GRM7: variants seen among roughly 807,000 people sequenced by gnomAD.
GRM7 encodes metabotropic glutamate receptor 7.
In GRM7, 35 loss-of-function variants were observed where a neutral mutation model predicts 84.5. The observed-to-expected ratio is 0.41, with a 90% CI of 0.32 to 0.55. The LOEUF is 0.55. Ranked by LOEUF, GRM7 falls within the 20% of genes least tolerant of loss-of-function variation. The pLI, the probability that GRM7 is intolerant of heterozygous loss-of-function variation, is 0.19. For missense variants in GRM7, 1,003 were observed against 1,194.6 expected, an observed-to-expected ratio of 0.84 and a Z score of 2.36; for synonymous variants, 487 against 455.1, an observed-to-expected ratio of 1.07 and a Z score of -0.89.
chr3:7,686,094 T>C (rs778824366), intron 9 of GRM7, among the ~76,000 whole-genome samples: 6 of 152,094 alleles, frequency 3.9e-5, no homozygotes, highest in Non-Finnish European at 8.8e-5. Flanking sequence ...TAAATTATGT[T>C]TGGGCTGGTT....
At chr3:7,716,164 G>A (rs75553980) in intron 9 of GRM7, among the ~76,000 whole-genome samples, 7 of 152,210 alleles carry the variant, frequency 4.6e-5, no homozygotes, top group African/African-American at 1.7e-4. Context: ...CTGTGGGGGG[G>A]TGTTTTCCTA....
intron 7 of GRM7, among the ~76,000 whole-genome samples, chr3:7,555,796 G>A (rs1043580963): frequency 2.6e-5 from 4 of 152,114 alleles, no homozygotes; most frequent in Admixed American, 6.6e-5. Context: ...TTGCTTGCAT[G>A]TGCAGTAGTC....
At chr3:7,097,180 T>A (rs563075722) in intron 1 of GRM7, among the ~76,000 whole-genome samples, 2 of 152,228 alleles carry the variant, frequency 1.3e-5, no homozygotes, top group Admixed American at 6.5e-5. Context: ...AGTGGTAGAC[T>A]GACCTCACCC....
intron 1 of GRM7, among the ~76,000 whole-genome samples, chr3:7,118,716 T>G (rs1440092947): frequency 6.6e-6 from 1 of 152,046 alleles, no homozygotes; most frequent in African/African-American, 2.4e-5. Flanking sequence ...GATGTTATCT[T>G]GGAAGACAAT....
chr3:7,347,210 A>T (rs1203468293), intron 4 of GRM7, among the ~76,000 whole-genome samples: 1 of 152,086 alleles, frequency 6.6e-6, no homozygotes, highest in Non-Finnish European at 1.5e-5. Flanking sequence ...ATTTAAATAG[A>T]GTGTTGTTAC....
chr3:7,401,693 T>G (rs1042908633), intron 4 of GRM7, among the ~76,000 whole-genome samples: 8 of 152,158 alleles, frequency 5.3e-5, no homozygotes, highest in African/African-American at 1.9e-4. Flanking sequence ...TTATTCAGAG[T>G]CAGGAATGTT....
intron 4 of GRM7, among the ~76,000 whole-genome samples, chr3:7,372,535 G>T (rs1262653884): frequency 6.6e-6 from 1 of 152,088 alleles, no homozygotes; most frequent in Non-Finnish European, 1.5e-5. Flanking sequence ...GGCCTTAATT[G>T]TACGCCATTC....
At chr3:7,464,388 TGAA>T (rs1698375893) in intron 7 of GRM7, among the ~76,000 whole-genome samples, 1 of 152,138 alleles carries the variant, frequency 6.6e-6, no homozygotes, top group Non-Finnish European at 1.5e-5. Flanking sequence ...ACAGCCAAAA[TGAA>T]ATGGGTATAG....
chr3:7,616,623 T>G (rs1365648034), intron 8 of GRM7, among the ~76,000 whole-genome samples: 1 of 152,220 alleles, frequency 6.6e-6, no homozygotes, highest in Non-Finnish European at 1.5e-5. Context: ...ATGTATGTTT[T>G]GCTTTTTTAA....
chr3:7,040,381 T>G (rs1182818439), intron 1 of GRM7, among the ~76,000 whole-genome samples: 1 of 152,050 alleles, frequency 6.6e-6, no homozygotes, highest in Non-Finnish European at 1.5e-5. Flanking sequence ...CCACTCACTG[T>G]AACCCCTGCC....
chr3:7,737,308 C>G (rs952598842), intron 9 of GRM7, among the ~76,000 whole-genome samples: 5 of 151,968 alleles, frequency 3.3e-5, no homozygotes, highest in Non-Finnish European at 7.4e-5. Flanking sequence ...CTTCAGGATA[C>G]CTTGTTTTGA....
intron 1 of GRM7, among the ~76,000 whole-genome samples, chr3:6,897,663 T>C (rs1696233916): frequency 6.6e-6 from 1 of 152,234 alleles, no homozygotes; most frequent in African/African-American, 2.4e-5. Context: ...TAACTCATCC[T>C]GAAGACACAT....
At chr3:7,467,191 G>A (rs150894251) in intron 7 of GRM7, among the ~76,000 whole-genome samples, 2,535 of 152,132 alleles carry the variant, frequency 0.017, 81 homozygotes, top group African/African-American at 0.058. Flanking sequence ...AGGTTCAAAC[G>A]ACTCTCATGC....
intron 8 of GRM7, among the ~76,000 whole-genome samples, chr3:7,675,878 A>G (rs1001201414): frequency 6.6e-6 from 1 of 152,200 alleles, no homozygotes; most frequent in Non-Finnish European, 1.5e-5. Flanking sequence ...CCATTTTCAT[A>G]TATTAATTGG....
intron 1 of GRM7, among the ~76,000 whole-genome samples, chr3:6,908,911 C>G (rs1418231015): frequency 2.0e-5 from 3 of 152,038 alleles, no homozygotes; most frequent in African/African-American, 7.2e-5. Context: ...CTAGGTAAGT[C>G]AAGAATGCCC....
At chr3:7,713,737 G>T (rs1264119037) in intron 9 of GRM7, among the ~76,000 whole-genome samples, 1 of 147,564 alleles carries the variant, frequency 6.8e-6, no homozygotes, top group Non-Finnish European at 1.5e-5. Context: ...CAGAAAGAAA[G>T]GTATAAAACA....
At chr3:6,892,791 G>C (rs1041460330) in intron 1 of GRM7, 1 of 152,194 alleles carries the variant, frequency 6.6e-6, no homozygotes, top group Non-Finnish European at 1.5e-5. Flanking sequence ...GGATGTGAAA[G>C]ACTTCCCTCA....
chr3:7,467,940 A>G lies in GRM7; in HGVS notation c.1515+6218A>G, dbSNP rs150134336. 3.9e-3 allele frequency among the ~76,000 whole-genome samples: 594 copies of G among 152,324 alleles called. 5 individuals carry two copies. The highest frequency in any genetic ancestry group is 0.02 in the South Asian group (99 of 4,832). On this transcript the variant is annotated intron_variant, in intron 7 of 9. Coordinates refer to ENST00000357716, the MANE Select transcript of GRM7 (RefSeq NM_000844.4). Reference sequence around the variant, plus strand: ...TGAGGTGATTCAAATTAATTTCAAAAGTTGTAATGTTTGTTCCATATTGAA... The same window carrying G: ...TGAGGTGATTCAAATTAATTTCAAAGGTTGTAATGTTTGTTCCATATTGAA...
intron 2 of GRM7, among the ~76,000 whole-genome samples, chr3:7,189,839 A>G (rs897247966): frequency 1.2e-4 from 18 of 152,180 alleles, no homozygotes; most frequent in African/African-American, 3.1e-4. Flanking sequence ...TCACATTGCA[A>G]CATGAGGAAT....
Sources: allele counts gnomAD v4.1 joint callset (sites outside exome capture counted in the v4.1 genomes callset), GRCh38; gene constraint gnomAD v4.1.1; transcripts MANE v1.5; gene names NCBI Gene and HGNC (gene_info 2026-07-23, HGNC 2026-07-21).